The following MRC2 variants were observed in gnomAD, a reference collection of about 807,000 sequenced individuals.
MRC2 encodes C-type mannose receptor 2.
In MRC2, 84 loss-of-function variants were observed where a neutral mutation model predicts 206.2. That is an observed-to-expected ratio of 0.41 (90% CI 0.34 to 0.49). MRC2 has a LOEUF of 0.49. MRC2 is among the 20% of genes least tolerant of loss of function. The pLI, the probability that MRC2 is intolerant of heterozygous loss-of-function variation, is 0.31. For missense variants in MRC2, 1,676 were observed against 2,001.5 expected (o/e 0.84, Z 3.10); for synonymous variants, 798 against 800.0 (o/e 1.00, Z 0.04).
rs1346310037 is a variant in MRC2, at chr17:62,679,810, C to T, written c.2206C>T (p.Pro736Ser). ...TGGGTTGTGCTGAAGTGAATCAGAACCCGAGATCCACGAGCAGCACTGGTT... is the reference window on the plus strand; with the variant it reads ...TGGGTTGTGCTGAAGTGAATCAGAATCCGAGATCCACGAGCAGCACTGGTT... ...MLNKIFGESEPEIHEQHWFWI... is the reference protein window; with the variant it reads ...MLNKIFGESESEIHEQHWFWI... The change falls in exon 14 of 30, where the codon CCC becomes TCC. Residue 736 changes from proline (P) to serine (S), a missense_variant. Pro to Ser is a moderately conservative substitution (Grantham distance 74, BLOSUM62 -1). This residue lies in a region of MRC2 where 1,354 missense variants were observed against 1,636.6 expected (regional missense o/e 0.83). Transcript: ENST00000303375. 1 of 1,613,848 alleles carries T rather than the reference C, an allele frequency of 6.2e-7. No individual in the cohort carries two copies. The highest frequency in any genetic ancestry group is 1.7e-5 in the Admixed American group (1 of 60,004).
Position 62,681,086 on chromosome 17 carries a change from T to C in MRC2, c.2659T>C (p.Trp887Arg). ...QKFSRAQEQH[W>R]WIGLHTSESD... The stretch of plus-strand genomic sequence containing the variant: ...GTTCTCCCGGGCCCAGGAGCAGCAC[T>C]GGTGGATCGGCCTGCACACCTCTGA... Residue 887 changes from tryptophan to arginine, a missense_variant, in exon 18 of 30, where the codon TGG becomes CGG. By Grantham distance (101) the Trp-to-Arg change is moderately radical. This residue lies in a region of MRC2 where 1,354 missense variants were observed against 1,636.6 expected (regional missense o/e 0.83). Transcript: ENST00000303375. 1 of 1,613,582 alleles carries C rather than the reference T, an allele frequency of 6.2e-7. No individual in the cohort carries two copies. The highest frequency in any genetic ancestry group is 8.5e-7 in the Non-Finnish European group (1 of 1,180,000).
intron 1 of MRC2, among the ~76,000 whole-genome samples, chr17:62,648,491 G>A (rs529056603): frequency 2.6e-5 from 4 of 152,298 alleles, no homozygotes; most frequent in African/African-American, 9.6e-5. Flanking sequence ...TCCCTTTACA[G>A]CTGCCCTTGG....
At chr17:62,689,086 G>A (rs2089068376) in intron 23 of MRC2, 126 bp downstream of exon 23, 1 of 739,248 alleles carries the variant, frequency 1.4e-6, no homozygotes, top group East Asian at 2.7e-5. Flanking sequence ...GAAGCAGATG[G>A]GCAGAAAGGC....
At chr17:62,635,271 G>A (rs532425200) in intron 1 of MRC2, among the ~76,000 whole-genome samples, 94 of 138,488 alleles carry the variant, frequency 6.8e-4, no homozygotes, top group Non-Finnish European at 9.8e-4. Context: ...ACTACTGTAA[G>A]TGCCAAAAAG....
chr17:62,682,484 C>T, intron 20 of MRC2, 107 bp downstream of exon 20: 2 of 1,343,974 alleles, frequency 1.5e-6, no homozygotes, highest in Non-Finnish European at 1.0e-6. Flanking sequence ...AACTCATGGC[C>T]TCTTGCCTGT....
At chr17:62,668,445 T>C (rs1318084731) in intron 6 of MRC2, among the ~76,000 whole-genome samples, 1 of 149,458 alleles carries the variant, frequency 6.7e-6, no homozygotes. Flanking sequence ...CCTGTTGCAG[T>C]TTGGGTGGAG....
intron 1 of MRC2, among the ~76,000 whole-genome samples, chr17:62,642,393 G>A (rs1452197253): frequency 7.2e-5 from 11 of 152,106 alleles, no homozygotes; most frequent in Non-Finnish European, 4.4e-5. Flanking sequence ...GTTCCCTTAC[G>A]CTAACTTTGA....
chr17:62,648,312 G>A (rs894691944), intron 1 of MRC2, among the ~76,000 whole-genome samples: 1 of 152,250 alleles, frequency 6.6e-6, no homozygotes, highest in Admixed American at 6.5e-5. Flanking sequence ...GCTGAGACAG[G>A]AGAATCACTT....
rs750091025 is a variant in MRC2, at chr17:62,664,741, G to A, written c.312G>A (p.Thr104=). The change falls in exon 2 of 30, where the codon ACG becomes ACA. Residue 104 remains threonine (T), a synonymous_variant. Transcript: ENST00000303375. This position sits in a 1 kb window ranked among gnomAD's most constrained non-coding sequence, Gnocchi z 4.7. ...LGTGWPGTNT[T]ASLGMYECDR... is the part of the protein sequence containing the mutation. The stretch of plus-strand genomic sequence containing the variant: ...CAGGCTGGCCAGGCACCAACACCAC[G>A]GCCTCCCTGGGCATGTATGAGTGTG... 1.1e-5 allele frequency: 18 copies of A among 1,613,746 alleles called. No homozygotes were observed. The East Asian group carries it at 3.3e-4, about 30-fold the overall frequency.
At chr17:62,639,208 C>T (rs1292514065) in intron 1 of MRC2, among the ~76,000 whole-genome samples, 1 of 152,008 alleles carries the variant, frequency 6.6e-6, no homozygotes, top group Admixed American at 6.6e-5. Context: ...TGGTGGCACA[C>T]TCCTGTAATC....
intron 1 of MRC2, among the ~76,000 whole-genome samples, chr17:62,646,568 G>A (rs1284036230): frequency 6.6e-6 from 1 of 152,202 alleles, no homozygotes; most frequent in East Asian, 1.9e-4. Flanking sequence ...GTGAAAAGGT[G>A]CTTGACCTAC....
intron 1 of MRC2, among the ~76,000 whole-genome samples, chr17:62,658,602 A>G (rs2088645030): frequency 6.6e-6 from 1 of 152,208 alleles, no homozygotes; most frequent in African/African-American, 2.4e-5. Flanking sequence ...TACAACTGCT[A>G]CAGCCCACCT....
intron 28 of MRC2, 28 bp downstream of exon 28, chr17:62,691,156 C>G (rs1348549079): frequency 2.5e-6 from 4 of 1,572,482 alleles, no homozygotes; most frequent in African/African-American, 2.7e-5. Context: ...CCACGCTCAG[C>G]CTCCTTCCAC....
At chr17:62,676,308 G>A (rs532633991) in intron 10 of MRC2, 75 bp from the exon 11 acceptor site, 14 of 1,574,390 alleles carry the variant, frequency 8.9e-6, no homozygotes, top group South Asian at 1.2e-5. Flanking sequence ...GAGCTCCCAC[G>A]GTAGGGCGTC....
chr17:62,656,397 A>G (rs9905589), intron 1 of MRC2, among the ~76,000 whole-genome samples: 1,881 of 152,162 alleles, frequency 0.012, 30 homozygotes, highest in African/African-American at 0.042. Context: ...TCACCATGTT[A>G]CCTAGGCTTG....
chr17:62,690,700 C>T lies in MRC2; in HGVS notation c.3951C>T (p.His1317=), dbSNP rs1408529627. 2 of 1,613,172 alleles carry T rather than the reference C, an allele frequency of 1.2e-6. No individual in the cohort carries two copies. The highest frequency in any genetic ancestry group is 8.5e-7 in the Non-Finnish European group (1 of 1,179,620). The change falls in exon 27 of 30, where the codon CAC becomes CAT. Residue 1317 remains histidine (H), a synonymous_variant. Transcript: ENST00000303375. Reference sequence around the variant, plus strand: ...TGGAGAATGTGTTTGTCTGGGAGCACCTGCAGAGCTATGAGGGCCAGAGTC... The same window carrying T: ...TGGAGAATGTGTTTGTCTGGGAGCATCTGCAGAGCTATGAGGGCCAGAGTC... ...DEMENVFVWE[H]LQSYEGQSRG...
Position 62,680,207 on chromosome 17 carries a change from A to C in MRC2, c.2336A>C (p.Asp779Ala), listed in dbSNP as rs765590870. Residue 779 changes from aspartate (D) to alanine (A), a missense_variant, in exon 15 of 30, where the codon GAC becomes GCC. Asp to Ala is a moderately radical substitution (Grantham distance 126, BLOSUM62 -2). Around this residue, in one of 3 missense-constraint regions of MRC2, gnomAD observed 1,354 missense variants for 1,636.6 expected, o/e 0.83. Transcript: ENST00000303375. This position sits in a 1 kb window ranked among gnomAD's most constrained non-coding sequence, Gnocchi z 4.8. ...AATTTCGACCGGAGCCGGCACGACG[A>C]CGACGACATCCGAGGCTGTGCGGTG... ...YHNFDRSRHD[D>A]DDIRGCAVLD... is the part of the protein sequence containing the mutation. 2 of 1,614,022 alleles carry C rather than the reference A, an allele frequency of 1.2e-6. No homozygotes were observed. The highest frequency in any genetic ancestry group is 1.7e-6 in the Non-Finnish European group (2 of 1,179,988).
intron 6 of MRC2, among the ~76,000 whole-genome samples, chr17:62,668,031 G>A (rs1430073702): frequency 6.6e-6 from 1 of 152,168 alleles, no homozygotes; most frequent in East Asian, 1.9e-4. Flanking sequence ...GCAAAGGTGT[G>A]GAGGCCTAGA....
Position 62,689,636 on chromosome 17 carries a change from T to C in MRC2, c.3449T>C (p.Leu1150Pro). The change falls in exon 24 of 30, where the codon CTC (leucine) becomes CCC (proline). Residue 1150 changes from leucine to proline, a missense_variant. Physicochemically the swap from Leu to Pro is moderately conservative, Grantham distance 98. This residue lies in a region of MRC2 where 1,354 missense variants were observed against 1,636.6 expected (regional missense o/e 0.83). Coordinates refer to ENST00000303375, the MANE Select transcript of MRC2 (RefSeq NM_006039.5). The stretch of plus-strand genomic sequence containing the variant: ...AAGCCGCTGCGCTGGCACGATGCCC[T>C]CCTGCTGTGTGAGAGCCGCAATGCC... The part of the protein sequence containing the change: ...LQKPLRWHDA[L>P]LLCESRNASL... 1 of 1,601,236 alleles carries C rather than the reference T, an allele frequency of 6.2e-7. No homozygotes were observed. The highest frequency in any genetic ancestry group is 8.5e-7 in the Non-Finnish European group (1 of 1,174,294).
Sources: allele counts gnomAD v4.1 joint callset (sites outside exome capture counted in the v4.1 genomes callset), GRCh38; gene constraint gnomAD v4.1.1; regional missense constraint gnomAD v4.1.1; non-coding constraint Gnocchi (gnomAD v3.1); transcripts MANE v1.5; gene names NCBI Gene and HGNC (gene_info 2026-07-23, HGNC 2026-07-21).